The following VWA8 variants were observed in gnomAD, a reference collection of about 807,000 sequenced individuals.
VWA8 encodes the protein von Willebrand factor A domain-containing protein 8.
Under a neutral mutation model 241.5 loss-of-function variants are expected in VWA8, and 221 were observed. The ratio of observed to expected loss-of-function variants is 0.91; its 90% CI spans 0.82 to 1.02. The LOEUF (loss-of-function observed/expected upper bound fraction) is 1.02, where lower values mean the gene tolerates loss of function less well. Among genes scored for constraint, VWA8 ranks in the 50% least tolerant of loss-of-function variants. The pLI, the probability that VWA8 is intolerant of heterozygous loss-of-function variation, is 0.00. For missense variants in VWA8, 2,322 were observed against 2,328.7 expected (o/e 1.00, Z 0.06); for synonymous variants, 852 against 827.1 (o/e 1.03, Z -0.52).
In VWA8 at chr13:41,789,713, G is replaced by A. The variant is rs182731097; in HGVS notation, c.2064-2170C>T. ...GTCGGGGTATTCTCACATCACCAGCGCTAGGAAGGAGGGGTGTTACTTGCA... is the reference window on the plus strand; with the variant it reads ...GTCGGGGTATTCTCACATCACCAGCACTAGGAAGGAGGGGTGTTACTTGCA... On this transcript the variant is annotated intron_variant, in intron 17 of 44. Transcript: ENST00000379310. 9.9e-5 allele frequency among the ~76,000 whole-genome samples: 15 copies of A among 152,204 alleles called. 1 individual carries two copies. The highest frequency in any genetic ancestry group is 8.5e-4 in the Admixed American group (13 of 15,260).
chr13:41,955,211 G>T lies in VWA8; in HGVS notation c.164-5198C>A, dbSNP rs78911240. Among the ~76,000 whole-genome samples the T allele has an allele frequency of 3.1e-3, 468 of 152,270 alleles. 1 individual carries two copies. The highest frequency in any genetic ancestry group is 0.011 in the African/African-American group (446 of 41,572). ...TAGTTTACTCTCTAAAGGGGAATAA[G>T]AATACTTATAAGACAACAGGTAACA... is the stretch of plus-strand genomic sequence containing the variant. On this transcript the variant is annotated intron_variant, in intron 1 of 44. Transcript: ENST00000379310.
At chr13:41,882,024 C>A (rs1415737374) in intron 9 of VWA8, among the ~76,000 whole-genome samples, 1 of 146,706 alleles carries the variant, frequency 6.8e-6, no homozygotes, top group Admixed American at 6.8e-5. Flanking sequence ...GGCTTCCGGG[C>A]GGAGGGGCTC....
intron 21 of VWA8, among the ~76,000 whole-genome samples, chr13:41,747,163 C>T (rs1330320355): frequency 6.6e-6 from 1 of 152,184 alleles, no homozygotes; most frequent in African/African-American, 2.4e-5. Context: ...ATGGGGATGA[C>T]ATTGGATCTA....
chr13:41,628,608 AT>A (rs1171212193), intron 37 of VWA8, among the ~76,000 whole-genome samples: 12 of 152,338 alleles, frequency 7.9e-5, no homozygotes, highest in Admixed American at 1.3e-4. Flanking sequence ...CATAAAAAAA[AT>A]AAAATCATGT....
chr13:41,571,328 GTCTCCC>G (rs879586722), intron 43 of VWA8, among the ~76,000 whole-genome samples: 2,613 of 98,452 alleles, frequency 0.027, 111 homozygotes, highest in African/African-American at 0.1. Context: ...TCCCTCTCCC[GTCTCCC>G]TCTCCCTCTC....
At chr13:41,573,487 ATAT>A (rs1331803387) in intron 43 of VWA8, among the ~76,000 whole-genome samples, 194 of 92,810 alleles carry the variant, frequency 2.1e-3, no homozygotes, top group Admixed American at 5.9e-3. Flanking sequence ...AAAAAAAAAA[ATAT>A]ATATATATAT....
intron 24 of VWA8, among the ~76,000 whole-genome samples, chr13:41,722,499 T>C (rs1220109852): frequency 6.6e-6 from 1 of 152,152 alleles, no homozygotes; most frequent in Non-Finnish European, 1.5e-5. Context: ...TTAAAAGCAA[T>C]TGAATAAAAT....
chr13:41,702,023 A>C (rs2045253536), intron 27 of VWA8, among the ~76,000 whole-genome samples: 1 of 152,236 alleles, frequency 6.6e-6, no homozygotes, highest in Non-Finnish European at 1.5e-5. Context: ...TTTTTTAAAA[A>C]ACCAAACTTA....
chr13:41,827,059 T>G (rs1326430501), intron 14 of VWA8, among the ~76,000 whole-genome samples: 13 of 152,160 alleles, frequency 8.5e-5, no homozygotes, highest in Admixed American at 3.3e-4. Flanking sequence ...TATACAGACC[T>G]TTAGTCTAAC....
chr13:41,947,433 G>A (rs1345939839), intron 2 of VWA8, among the ~76,000 whole-genome samples: 1 of 152,166 alleles, frequency 6.6e-6, no homozygotes, highest in African/African-American at 2.4e-5. Flanking sequence ...AAAGAATTTT[G>A]AGAAAAGAAG....
chr13:41,841,820 A>AAT (rs1242263993), intron 12 of VWA8, among the ~76,000 whole-genome samples: 420 of 22,200 alleles, frequency 0.019, 7 homozygotes, highest in Non-Finnish European at 0.022. Context: ...AAAAAAAAAA[A>AAT]ATATATATAT....
chr13:41,646,079 G>C (rs1272744465), intron 37 of VWA8, among the ~76,000 whole-genome samples: 1 of 150,756 alleles, frequency 6.6e-6, no homozygotes, highest in Admixed American at 6.6e-5. Flanking sequence ...CGATTCTTCT[G>C]CCTCGGCCTC....
chr13:41,934,873 T>G (rs369503139), intron 2 of VWA8, among the ~76,000 whole-genome samples: 1 of 152,074 alleles, frequency 6.6e-6, no homozygotes, highest in Non-Finnish European at 1.5e-5. Flanking sequence ...AAATTATACA[T>G]TCTAAATATG....
chr13:41,850,946 T>C (rs941114525), intron 12 of VWA8, among the ~76,000 whole-genome samples: 7 of 152,212 alleles, frequency 4.6e-5, no homozygotes, highest in African/African-American at 1.7e-4. Context: ...TACTAAATGA[T>C]ATCAGGAAAA....
chr13:41,944,231 T>A (rs1593887788), intron 2 of VWA8, among the ~76,000 whole-genome samples: 1 of 152,156 alleles, frequency 6.6e-6, no homozygotes, highest in Non-Finnish European at 1.5e-5. Flanking sequence ...AATAATGGCA[T>A]AAATTGTCAA....
At chr13:41,945,479 T>C (rs987956297) in intron 2 of VWA8, among the ~76,000 whole-genome samples, 1 of 152,140 alleles carries the variant, frequency 6.6e-6, no homozygotes, top group African/African-American at 2.4e-5. Context: ...AGAAAAACAC[T>C]TTAAATCAGC....
At chr13:41,882,453 A>G (rs1228378913) in intron 9 of VWA8, among the ~76,000 whole-genome samples, 9 of 151,980 alleles carry the variant, frequency 5.9e-5, no homozygotes, top group African/African-American at 1.9e-4. Flanking sequence ...CAAGGCAGGC[A>G]GCTGGGAGGT....
At chr13:41,621,443 T>G (rs1234230608) in intron 37 of VWA8, among the ~76,000 whole-genome samples, 1 of 152,218 alleles carries the variant, frequency 6.6e-6, no homozygotes. Flanking sequence ...GACTCTTCTG[T>G]AGGCCAATTC....
At chr13:41,575,011 C>A (rs1182800348) in intron 43 of VWA8, among the ~76,000 whole-genome samples, 1 of 152,112 alleles carries the variant, frequency 6.6e-6, no homozygotes, top group Non-Finnish European at 1.5e-5. Flanking sequence ...TGGAACCAAC[C>A]TAAGTGTCCA....
Sources: gnomAD v4.1 joint callset for allele counts (sites outside exome capture counted in the v4.1 genomes callset) on GRCh38, gnomAD v4.1.1 for gene constraint, MANE v1.5 for transcripts, NCBI Gene and HGNC (gene_info 2026-07-23, HGNC 2026-07-21) for gene names.